TBC1D22A: variants seen among roughly 807,000 people sequenced by gnomAD.
TBC1D22A encodes the protein putative GTPase activator.
TBC1D22A carries 38 observed loss-of-function variants against 60.2 expected under a neutral mutation model. That is an observed-to-expected ratio of 0.63 (90% CI 0.49 to 0.83). TBC1D22A has a LOEUF of 0.83. TBC1D22A is among the 40% of genes least tolerant of loss of function. TBC1D22A has a pLI of 0.00. For missense variants in TBC1D22A, 628 were observed against 701.0 expected (o/e 0.90, Z 1.18); for synonymous variants, 302 against 281.7 (o/e 1.07, Z -0.72).
At chr22:47,071,921 G>T (rs1481604657) in intron 11 of TBC1D22A, among the ~76,000 whole-genome samples, 1 of 152,176 alleles carries the variant, frequency 6.6e-6, no homozygotes, top group Admixed American at 6.5e-5. Flanking sequence ...CTCAGTCATG[G>T]CCTCTCCTGA....
chr22:47,034,730 C>T (rs115918654), intron 10 of TBC1D22A, among the ~76,000 whole-genome samples: 2,051 of 152,232 alleles, frequency 0.013, 45 homozygotes, highest in African/African-American at 0.046. Flanking sequence ...CTTTGGACGA[C>T]GGAGCTCGAA....
rs568911495 is a variant in TBC1D22A, at chr22:47,159,650, G to A, written c.1426-13848G>A. On this transcript the variant is annotated intron_variant, in intron 12 of 12. Coordinates refer to ENST00000337137, the MANE Select transcript of TBC1D22A (RefSeq NM_014346.5). ...ACACCACACATGCACCACATACCAC[G>A]TATATACACAGTACACACATGCACA... Among the ~76,000 whole-genome samples, 382 of 148,200 alleles carry A rather than the reference G, an allele frequency of 2.6e-3. 1 individual carries two copies. The highest frequency in any genetic ancestry group is 9.1e-3 in the African/African-American group (362 of 39,970).
chr22:47,023,270 T>G (rs1464505792), intron 10 of TBC1D22A, among the ~76,000 whole-genome samples: 2 of 152,230 alleles, frequency 1.3e-5, no homozygotes, highest in Non-Finnish European at 2.9e-5. Flanking sequence ...GATTAGACTT[T>G]GTACAAGAAA....
intron 9 of TBC1D22A, among the ~76,000 whole-genome samples, chr22:46,984,935 G>A (rs926919678): frequency 1.3e-5 from 2 of 152,180 alleles, no homozygotes; most frequent in Admixed American, 1.3e-4. Flanking sequence ...GTTGGGGGAA[G>A]CCCTGTCCTG....
intron 4 of TBC1D22A, among the ~76,000 whole-genome samples, chr22:46,824,412 T>C (rs552355866): frequency 4.6e-5 from 7 of 152,250 alleles, no homozygotes; most frequent in African/African-American, 1.7e-4. Context: ...ATGAGCTTGG[T>C]GTGCATGTGG....
At chr22:47,069,887 C>T (rs1158706797) in intron 11 of TBC1D22A, among the ~76,000 whole-genome samples, 2 of 139,250 alleles carry the variant, frequency 1.4e-5, no homozygotes, top group Non-Finnish European at 3.1e-5. Flanking sequence ...TTGGTTGGAG[C>T]GGAGCTGACT....
chr22:46,942,880 A>G (rs1259235400), intron 8 of TBC1D22A, among the ~76,000 whole-genome samples: 1 of 152,230 alleles, frequency 6.6e-6, no homozygotes, highest in Non-Finnish European at 1.5e-5. Context: ...TCTGTATTTC[A>G]GGGCTTGACT....
chr22:47,160,911 C>T (rs1601721036), intron 12 of TBC1D22A, among the ~76,000 whole-genome samples: 1 of 151,692 alleles, frequency 6.6e-6, no homozygotes, highest in South Asian at 2.1e-4. Flanking sequence ...CAGGAACCTC[C>T]TAGCCAGTCT....
chr22:47,145,702 T>C (rs907430216), intron 12 of TBC1D22A, among the ~76,000 whole-genome samples: 1 of 152,190 alleles, frequency 6.6e-6, no homozygotes, highest in Non-Finnish European at 1.5e-5. Flanking sequence ...TTTGTTCTGA[T>C]TTTTTTCTAA....
rs148655648 is a variant in TBC1D22A at position 46,987,602 on chromosome 22, C to A, written c.1126-10032C>A. On this transcript the variant is annotated intron_variant, in intron 9 of 12. Coordinates refer to ENST00000337137, the MANE Select transcript of TBC1D22A (RefSeq NM_014346.5). ...TATTATACTTTAATTTATTAACATA[C>A]AATAGCATTGTATCTAAAAAGTGTA... is the stretch of plus-strand genomic sequence containing the variant. 2.2e-3 allele frequency among the ~76,000 whole-genome samples: 331 copies of A among 152,238 alleles called. 3 individuals carry two copies. Among genetic ancestry groups the A allele is most frequent in the East Asian group, 0.01 (52 of 5,186 alleles).
At chr22:47,005,103 C>T (rs886928445) in intron 10 of TBC1D22A, among the ~76,000 whole-genome samples, 1 of 151,674 alleles carries the variant, frequency 6.6e-6, no homozygotes. Flanking sequence ...ACATACACAC[C>T]TTTGTATTCA....
intron 9 of TBC1D22A, among the ~76,000 whole-genome samples, chr22:46,996,816 C>T (rs2075137613): frequency 6.6e-6 from 1 of 152,212 alleles, no homozygotes; most frequent in Non-Finnish European, 1.5e-5. Flanking sequence ...TAGGTGGTGA[C>T]AGCAGGAGTA....
chr22:47,067,590 G>A (rs1418398621), intron 11 of TBC1D22A, among the ~76,000 whole-genome samples: 4 of 152,186 alleles, frequency 2.6e-5, no homozygotes, highest in African/African-American at 4.8e-5. Context: ...TGCTCAGAGT[G>A]GCTGGGCGTG....
At chr22:47,054,475 G>T (rs1224115801) in intron 11 of TBC1D22A, among the ~76,000 whole-genome samples, 1 of 152,180 alleles carries the variant, frequency 6.6e-6, no homozygotes, top group Non-Finnish European at 1.5e-5. Flanking sequence ...CTGCCTGCAT[G>T]ACTTACTCTC....
chr22:46,972,377 C>T (rs147672227), intron 8 of TBC1D22A, among the ~76,000 whole-genome samples: 15 of 152,330 alleles, frequency 9.8e-5, no homozygotes, highest in Non-Finnish European at 1.9e-4. Flanking sequence ...CCACATTACC[C>T]CTTGGTGGAG....
At chr22:46,850,490 T>TA (rs1388484879) in intron 4 of TBC1D22A, among the ~76,000 whole-genome samples, 1 of 151,992 alleles carries the variant, frequency 6.6e-6, no homozygotes, top group Non-Finnish European at 1.5e-5. Flanking sequence ...ATGATTATAA[T>TA]AAAAAAGACC....
At chr22:46,781,148 T>TG (rs1408308319) in intron 1 of TBC1D22A, among the ~76,000 whole-genome samples, 1 of 150,878 alleles carries the variant, frequency 6.6e-6, no homozygotes, top group Non-Finnish European at 1.5e-5. Context: ...TTGTTTTTTT[T>TG]TTTTTTTTTA....
rs566048690 is a variant in TBC1D22A at position 47,158,075 on chromosome 22, G to A, written c.1426-15423G>A. ...CCCACCCCTGCATCTGTGAGGGCGC[G>A]TCTCACCCAGCACCACGGCCTTCCA... On this transcript the variant is annotated intron_variant, in intron 12 of 12. Coordinates refer to ENST00000337137, the MANE Select transcript of TBC1D22A (RefSeq NM_014346.5). 2.6e-5 allele frequency among the ~76,000 whole-genome samples: 4 copies of A among 152,316 alleles called. No individual in the cohort carries two copies. In the South Asian group the frequency reaches 6.2e-4, roughly 24 times the overall value.
chr22:47,035,329 C>G (rs186445922), intron 10 of TBC1D22A, among the ~76,000 whole-genome samples: 113 of 152,244 alleles, frequency 7.4e-4, no homozygotes, highest in South Asian at 3.3e-3. Context: ...GGTGTGGGTG[C>G]CTCTGGGTCC....
Sources: allele counts gnomAD v4.1 joint callset (sites outside exome capture counted in the v4.1 genomes callset), GRCh38; gene constraint gnomAD v4.1.1; transcripts MANE v1.5; gene names NCBI Gene and HGNC (gene_info 2026-07-23, HGNC 2026-07-21).